FYB1: variants seen among roughly 807,000 people sequenced by gnomAD.
FYB1 encodes FYN-binding protein 1.
FYB1 carries 41 observed loss-of-function variants against 94.1 expected under a neutral mutation model. That is an observed-to-expected ratio of 0.44 (90% CI 0.34 to 0.57). The LOEUF is 0.57. Among genes scored for constraint, FYB1 ranks in the 20% least tolerant of loss-of-function variants. FYB1 has a pLI of 0.02. For synonymous variants in FYB1, 367 were observed against 353.2 expected (o/e 1.04, Z -0.44); for missense variants, 1,050 against 976.8 (o/e 1.07, Z -1.00).
intron 2 of FYB1, among the ~76,000 whole-genome samples, chr5:39,183,089 C>A (rs1746407399): frequency 6.6e-6 from 1 of 152,124 alleles, no homozygotes; most frequent in African/African-American, 2.4e-5. Flanking sequence ...AAGGCGTGAT[C>A]TCGGCTCATC....
At chr5:39,244,128 T>C (rs1039252373) in intron 1 of FYB1, among the ~76,000 whole-genome samples, 1 of 152,100 alleles carries the variant, frequency 6.6e-6, no homozygotes, top group Non-Finnish European at 1.5e-5. Context: ...TTGAATACCC[T>C]TTATTTCTTT....
intron 1 of FYB1, among the ~76,000 whole-genome samples, chr5:39,249,146 C>A (rs1418566687): frequency 6.6e-6 from 1 of 150,802 alleles, no homozygotes; most frequent in Non-Finnish European, 1.5e-5. Flanking sequence ...AGCAGCCAAG[C>A]ACTGCTGGAG....
At chr5:39,266,765 G>A (rs1310309789) in intron 1 of FYB1, among the ~76,000 whole-genome samples, 2 of 152,150 alleles carry the variant, frequency 1.3e-5, no homozygotes, top group African/African-American at 4.8e-5. Flanking sequence ...AGTGGCCTCT[G>A]CAACATTTCA....
intron 16 of FYB1, among the ~76,000 whole-genome samples, chr5:39,112,993 T>C (rs1739210541): frequency 6.6e-6 from 1 of 152,154 alleles, no homozygotes; most frequent in African/African-American, 2.4e-5. Context: ...TTGTTAGCTA[T>C]AAAGTCACAA....
intron 2 of FYB1, among the ~76,000 whole-genome samples, chr5:39,188,072 T>A (rs1747009220): frequency 6.6e-6 from 1 of 152,122 alleles, no homozygotes; most frequent in Non-Finnish European, 1.5e-5. Flanking sequence ...GGTCAGTTGG[T>A]GTGCACTATC....
intron 1 of FYB1, among the ~76,000 whole-genome samples, chr5:39,233,492 AC>A (rs1233053832): frequency 5.3e-5 from 8 of 152,096 alleles, no homozygotes. Flanking sequence ...TGATCGGCAG[AC>A]TCCAAAATGC....
intron 2 of FYB1, among the ~76,000 whole-genome samples, chr5:39,175,523 A>G (rs1745641144): frequency 6.6e-6 from 1 of 152,204 alleles, no homozygotes; most frequent in East Asian, 1.9e-4. Context: ...AAGAGAAGTG[A>G]CAAAACTTGC....
At chr5:39,128,077 G>A (rs73749424) in intron 10 of FYB1, among the ~76,000 whole-genome samples, 108 of 152,164 alleles carry the variant, frequency 7.1e-4, no homozygotes, top group African/African-American at 2.6e-3. Context: ...AACTTAAATA[G>A]GGCATGGAGT....
chr5:39,219,392 A>G (rs1291200850), intron 1 of FYB1, 51 bp downstream of exon 1: 10 of 978,796 alleles, frequency 1.0e-5, no homozygotes, highest in Non-Finnish European at 1.2e-5. Flanking sequence ...TTTTCCTGCT[A>G]TAAAAAATTA....
intron 2 of FYB1, among the ~76,000 whole-genome samples, chr5:39,192,105 T>G (rs1747416574): frequency 1.3e-5 from 2 of 152,226 alleles, no homozygotes; most frequent in Admixed American, 1.3e-4. Context: ...TTTAGCAGAT[T>G]GTATGAAACA....
At chr5:39,238,567 G>A (rs559250194) in intron 1 of FYB1, among the ~76,000 whole-genome samples, 1 of 152,096 alleles carries the variant, frequency 6.6e-6, no homozygotes, top group South Asian at 2.1e-4. Flanking sequence ...AAGTTGATGA[G>A]GACAATGAGG....
intron 1 of FYB1, among the ~76,000 whole-genome samples, chr5:39,262,151 A>G (rs1413674082): frequency 6.6e-6 from 1 of 152,196 alleles, no homozygotes; most frequent in African/African-American, 2.4e-5. Context: ...TTAAAATTTG[A>G]CAACATTAAG....
intron 2 of FYB1, among the ~76,000 whole-genome samples, chr5:39,165,603 A>C (rs747857129): frequency 1.3e-5 from 2 of 152,240 alleles, no homozygotes; most frequent in Non-Finnish European, 2.9e-5. Context: ...CTAAGACTTC[A>C]AAAGCAAATA....
chr5:39,202,718 C>A lies in FYB1; in HGVS notation c.243G>T (p.Pro81=). ...GGCCTGCTCCAGTGGGCTTTAGAAACGGGGGCTTGGGTTCCTTGTCAGGCT... is the reference window on the plus strand; with the variant it reads ...GGCCTGCTCCAGTGGGCTTTAGAAAAGGGGGCTTGGGTTCCTTGTCAGGCT... ...EEKPDKEPKP[P]FLKPTGAGQR... is the part of the protein sequence containing the mutation. Residue 81 remains proline, a synonymous_variant, in exon 2 of 19, where the codon CCG becomes CCT. Transcript: ENST00000512982. 1.2e-6 allele frequency: 2 copies of A among 1,613,640 alleles called. No homozygotes were observed. The highest frequency in any genetic ancestry group is 2.2e-5 in the South Asian group (2 of 91,044).
At position 39,198,815 on chromosome 5, in the gene FYB1, C is replaced by T. The variant is rs1055077381; in HGVS notation, c.1135+3011G>A. Among the ~76,000 whole-genome samples the T allele has an allele frequency of 2.6e-5, 4 of 151,950 alleles. 1 individual carries two copies. In the South Asian group the frequency reaches 8.3e-4, roughly 31 times the overall value. Reference sequence around the variant, plus strand: ...CTTAAGAATGTTTATAAGGATGTAACCCGATCACAAGTCAAGGAATATCTG... The same window carrying T: ...CTTAAGAATGTTTATAAGGATGTAATCCGATCACAAGTCAAGGAATATCTG... On this transcript the variant is annotated intron_variant, in intron 2 of 18. Transcript: ENST00000512982.
chr5:39,205,513 G>C (rs188217277), intron 1 of FYB1, among the ~76,000 whole-genome samples: 1 of 152,256 alleles, frequency 6.6e-6, no homozygotes, highest in Non-Finnish European at 1.5e-5. Flanking sequence ...TCGCTGCATC[G>C]GTGAGGAAAT....
At chr5:39,253,812 AT>A (rs564974192) in intron 1 of FYB1, among the ~76,000 whole-genome samples, 59 of 152,246 alleles carry the variant, frequency 3.9e-4, no homozygotes, top group African/African-American at 1.3e-3. Context: ...AGTACCCAAT[AT>A]TTTTCCTGAT....
At chr5:39,201,468 C>T (rs762393797) in intron 2 of FYB1, among the ~76,000 whole-genome samples, 3 of 152,166 alleles carry the variant, frequency 2.0e-5, no homozygotes, top group Non-Finnish European at 4.4e-5. Flanking sequence ...TGTCTAACTC[C>T]TCTGTGTTGA....
intron 2 of FYB1, among the ~76,000 whole-genome samples, chr5:39,185,624 A>T (rs1242050768): frequency 6.8e-6 from 1 of 146,056 alleles, no homozygotes; most frequent in African/African-American, 2.6e-5. Flanking sequence ...ATATATATAC[A>T]CACATATATA....
Sources: allele counts gnomAD v4.1 joint callset (sites outside exome capture counted in the v4.1 genomes callset), GRCh38; gene constraint gnomAD v4.1.1; transcripts MANE v1.5; gene names NCBI Gene and HGNC (gene_info 2026-07-23, HGNC 2026-07-21).